KYAT3: variants seen among roughly 807,000 people sequenced by gnomAD.
KYAT3 encodes kynurenine--oxoglutarate transaminase 3.
KYAT3 carries 50 observed loss-of-function variants against 59.0 expected under a neutral mutation model. The ratio of observed to expected loss-of-function variants is 0.85; its 90% confidence interval spans 0.68 to 1.07. KYAT3 has a LOEUF of 1.07. KYAT3 is among the 50% of genes least tolerant of loss of function. KYAT3 has a pLI of 0.00. For missense variants in KYAT3, 497 were observed against 533.3 expected (o/e 0.93, Z 0.67); for synonymous variants, 148 against 177.0 (o/e 0.84, Z 1.30).
chr1:88,945,115 A>G (rs930408581), intron 11 of KYAT3, among the ~76,000 whole-genome samples: 1 of 152,152 alleles, frequency 6.6e-6, no homozygotes, highest in Admixed American at 6.5e-5. Flanking sequence ...AAGTGCTGGG[A>G]TTACAGGCCT....
At chr1:88,969,386 A>C in intron 3 of KYAT3, 23 bp downstream of exon 3, 1 of 1,431,896 alleles carries the variant, frequency 7.0e-7, no homozygotes, top group South Asian at 1.2e-5. Context: ...TCACTAAATT[A>C]TTATTTATTT....
At chr1:88,986,749 G>A (rs994895424) in intron 2 of KYAT3, among the ~76,000 whole-genome samples, 13 of 152,130 alleles carry the variant, frequency 8.5e-5, no homozygotes, top group South Asian at 4.1e-4. Context: ...TGGATGAAAC[G>A]AATATTCTAA....
the KYAT3 span, among the ~76,000 whole-genome samples, chr1:88,930,307 T>C: frequency 3.9e-5 from 6 of 152,206 alleles, no homozygotes; most frequent in Non-Finnish European, 8.8e-5. Context: ...AGAAAACCGT[T>C]TACTTAAATA....
chr1:88,936,277 C>T, intron 13 of KYAT3, 32 bp from the exon 14 acceptor site: 1 of 1,408,572 alleles, frequency 7.1e-7, no homozygotes, highest in Non-Finnish European at 1.0e-6. Context: ...ATCATTATTA[C>T]AGATATACAT....
chr1:88,949,286 T>C lies in KYAT3; in HGVS notation c.955-9A>G. 6.6e-7 allele frequency: 1 copy of C among 1,525,636 alleles called. No homozygotes were observed. The highest frequency in any genetic ancestry group is 8.8e-7 in the Non-Finnish European group (1 of 1,142,614). The allele number at this position is 1,525,636 out of a possible 1,614,324, so 94.5% of individuals were successfully genotyped here. A position where few individuals can be genotyped will look rare whatever the true frequency, so the allele number is the denominator to read the frequency against. On this transcript the variant is annotated splice_polypyrimidine_tract_variant and intron_variant, in intron 10 of 13. Transcript: ENST00000260508. Reference sequence around the variant, plus strand: ...GCTTGAGCCAAGGCTTCCTGTTTGTTAAGAATCAAAAAATATGAAAAGGCA... The same window carrying C: ...GCTTGAGCCAAGGCTTCCTGTTTGTCAAGAATCAAAAAATATGAAAAGGCA...
intron 8 of KYAT3, among the ~76,000 whole-genome samples, chr1:88,957,266 A>G (rs1453581175): frequency 6.6e-6 from 1 of 152,234 alleles, no homozygotes; most frequent in Non-Finnish European, 1.5e-5. Flanking sequence ...GGAATACTTT[A>G]AGATTTGATA....
intron 11 of KYAT3, among the ~76,000 whole-genome samples, chr1:88,944,612 T>C (rs1675367520): frequency 6.6e-6 from 1 of 152,190 alleles, no homozygotes; most frequent in Non-Finnish European, 1.5e-5. Context: ...TCAAGGTATT[T>C]ATATGTAATT....
intron 4 of KYAT3, 45 bp from the exon 5 acceptor site, chr1:88,965,023 G>A: frequency 6.7e-7 from 1 of 1,498,194 alleles, no homozygotes; most frequent in South Asian, 1.3e-5. Context: ...TTAAATATGG[G>A]ACCTACTGTT....
At chr1:88,934,989 ATTTTTTTTT>A (rs59691903), downstream of KYAT3, among the ~76,000 whole-genome samples, 2 of 110,102 alleles carry the variant, frequency 1.8e-5, no homozygotes, top group Non-Finnish European at 3.6e-5. Flanking sequence ...TAAAGAAGTG[ATTTTTTTTT>A]TTTTTTTTTT....
chr1:88,926,338 G>A, the KYAT3 span, among the ~76,000 whole-genome samples: 1 of 151,774 alleles, frequency 6.6e-6, no homozygotes, highest in South Asian at 2.1e-4. Flanking sequence ...AGGACACAGG[G>A]TCTCGCTCTG....
At chr1:88,983,539 C>A in intron 2 of KYAT3, 1 of 1,614,220 alleles carries the variant, frequency 6.2e-7, no homozygotes, top group Non-Finnish European at 8.5e-7. Flanking sequence ...GAGGTGGGGG[C>A]GGTCCATGTC....
intron 2 of KYAT3, among the ~76,000 whole-genome samples, chr1:88,973,195 T>C (rs1676626315): frequency 6.6e-6 from 1 of 152,158 alleles, no homozygotes; most frequent in Non-Finnish European, 1.5e-5. Flanking sequence ...GGGTGGGGTA[T>C]AGAACAATCT....
At chr1:88,969,024 C>T (rs1676450913) in intron 3 of KYAT3, among the ~76,000 whole-genome samples, 1 of 152,174 alleles carries the variant, frequency 6.6e-6, no homozygotes, top group South Asian at 2.1e-4. Flanking sequence ...ATGTCCCTTA[C>T]AAACCTCAGT....
At chr1:88,936,769 T>A (rs1178519306) in intron 13 of KYAT3, among the ~76,000 whole-genome samples, 1 of 152,260 alleles carries the variant, frequency 6.6e-6, no homozygotes, top group Non-Finnish European at 1.5e-5. Flanking sequence ...GATTCATACA[T>A]ATAGCATAAA....
At chr1:88,948,140 C>CAAAACAAAACA (rs200348743) in intron 11 of KYAT3, among the ~76,000 whole-genome samples, 3 of 145,600 alleles carry the variant, frequency 2.1e-5, no homozygotes, top group African/African-American at 7.4e-5. Flanking sequence ...CAAAACAAAA[C>CAAAACAAAACA]AAACTCCTAT....
At chr1:88,923,136 A>G in the KYAT3 span, among the ~76,000 whole-genome samples, 1 of 152,246 alleles carries the variant, frequency 6.6e-6, no homozygotes, top group Non-Finnish European at 1.5e-5. Context: ...GCCATTTATT[A>G]GATTCAAAAC....
At chr1:88,971,198 A>ATGTGC (rs1346342662) in intron 2 of KYAT3, among the ~76,000 whole-genome samples, 1 of 152,220 alleles carries the variant, frequency 6.6e-6, no homozygotes, top group African/African-American at 2.4e-5. Flanking sequence ...AGTGAGTTTG[A>ATGTGC]TGTGCTGTAG....
In KYAT3 at chr1:88,936,150, A is replaced by G; in HGVS notation, c.*33T>C. 1 of 1,487,892 alleles carries G rather than the reference A, an allele frequency of 6.7e-7. No individual in the cohort carries two copies. The allele number at this position is 1,487,892 out of a possible 1,614,324, so 92.2% of individuals were successfully genotyped here. ...CTAAGTAACAATTCCATACTAGGTC[A>G]TCTAACAGAAACATTAATCCATTCT... On this transcript the variant is annotated 3_prime_UTR_variant, in exon 14 of 14. Coordinates refer to ENST00000260508, the MANE Select transcript of KYAT3 (RefSeq NM_001008661.3).
intron 9 of KYAT3, among the ~76,000 whole-genome samples, chr1:88,953,788 G>A (rs150433003): frequency 1.4e-4 from 22 of 152,108 alleles, no homozygotes; most frequent in African/African-American, 5.1e-4. Flanking sequence ...AAGCTTGTTT[G>A]AATTACAGAT....
Sources: allele counts gnomAD v4.1 joint callset (sites outside exome capture counted in the v4.1 genomes callset), GRCh38; gene constraint gnomAD v4.1.1; transcripts MANE v1.5; gene names NCBI Gene and HGNC (gene_info 2026-07-23, HGNC 2026-07-21).